HECW1: variants seen among roughly 807,000 people sequenced by gnomAD.
The protein encoded by HECW1 is E3 ubiquitin-protein ligase HECW1.
In HECW1, 61 loss-of-function variants were observed where a neutral mutation model predicts 182.3. The observed-to-expected ratio is 0.33, with a 90% CI of 0.27 to 0.41. The LOEUF (loss-of-function observed/expected upper bound fraction) is 0.41, where lower values mean the gene tolerates loss of function less well. Ranked by LOEUF, HECW1 falls within the 10% of genes least tolerant of loss-of-function variation. The pLI, the probability that HECW1 is intolerant of heterozygous loss-of-function variation, is 1.00. For synonymous variants in HECW1, 859 were observed against 832.6 expected (o/e 1.03, Z -0.55); for missense variants, 1,739 against 2,108.9 (o/e 0.82, Z 3.44).
rs186107557 is a variant in HECW1 at position 43,332,260 on chromosome 7, T to C, written c.460+11518T>C. The stretch of plus-strand genomic sequence containing the variant: ...CTTCAAAGCCACTCTACATACAAAA[T>C]GAATCTCTTTTGCTCAAAATCACAG... On this transcript the variant is annotated intron_variant, in intron 5 of 29. Coordinates refer to ENST00000395891, the MANE Select transcript of HECW1 (RefSeq NM_015052.5). Among the ~76,000 whole-genome samples, 186 of 152,252 alleles carry C rather than the reference T, an allele frequency of 1.2e-3. 2 individuals carry two copies. The highest frequency in any genetic ancestry group is 9.9e-3 in the Admixed American group (152 of 15,292).
rs147765315 is a variant in HECW1 at position 43,392,833 on chromosome 7, G to T, written c.556-3981G>T. ...CCCTGTCAACTGAGCTATAGTCTCC[G>T]GACTGCTGAAACAGAAGATCCCCTG... On this transcript the variant is annotated intron_variant, in intron 6 of 29. Coordinates refer to ENST00000395891, the MANE Select transcript of HECW1 (RefSeq NM_015052.5). 4.6e-5 allele frequency among the ~76,000 whole-genome samples: 7 copies of T among 152,258 alleles called. No homozygotes were observed. In the South Asian group the frequency reaches 1.5e-3, roughly 32 times the overall value.
At chr7:43,541,043 G>A (rs1040759018) in intron 24 of HECW1, 120 bp from the exon 25 acceptor site, 3 of 768,684 alleles carry the variant, frequency 3.9e-6, no homozygotes, top group Non-Finnish European at 6.8e-6. Flanking sequence ...TGTCATCAAT[G>A]AGAAGATTCC....
intron 2 of HECW1, chr7:43,118,348 G>C (rs1785247967): frequency 6.6e-6 from 1 of 152,572 alleles, no homozygotes; most frequent in Non-Finnish European, 1.5e-5. Context: ...TTTTGCTTTG[G>C]GGGTTCAAGT....
intron 8 of HECW1, among the ~76,000 whole-genome samples, chr7:43,429,392 G>A (rs190982344): frequency 3.2e-4 from 46 of 145,998 alleles, no homozygotes; most frequent in Admixed American, 6.4e-4. Flanking sequence ...CATGGTCTCC[G>A]GCACTTCCTC....
At chr7:43,295,887 C>T (rs17710006) in intron 3 of HECW1, among the ~76,000 whole-genome samples, 11,666 of 152,160 alleles carry the variant, frequency 0.077, 581 homozygotes, top group South Asian at 0.11. Context: ...ATGACATTGA[C>T]GTATTGTTTT....
intron 3 of HECW1, among the ~76,000 whole-genome samples, chr7:43,280,907 AG>A (rs1464092533): frequency 6.6e-6 from 1 of 152,162 alleles, no homozygotes; most frequent in African/African-American, 2.4e-5. Context: ...CTCCAGTTAG[AG>A]GAAGACTGGA....
chr7:43,510,675 G>A (rs570582040), intron 24 of HECW1, among the ~76,000 whole-genome samples: 5 of 152,266 alleles, frequency 3.3e-5, no homozygotes, highest in East Asian at 1.9e-4. Flanking sequence ...GAAAAATATC[G>A]CACTCTGTCC....
intron 5 of HECW1, among the ~76,000 whole-genome samples, chr7:43,340,008 C>T (rs1324021204): frequency 6.6e-6 from 1 of 151,828 alleles, no homozygotes; most frequent in African/African-American, 2.4e-5. Flanking sequence ...TGCTGTAACT[C>T]TCGCCCCATC....
At chr7:43,495,056 T>C (rs1041424072) in intron 19 of HECW1, among the ~76,000 whole-genome samples, 2 of 152,186 alleles carry the variant, frequency 1.3e-5, no homozygotes, top group African/African-American at 4.8e-5. Flanking sequence ...TCTTTTTCTT[T>C]GAGGGGGTGG....
chr7:43,418,304 C>G (rs2076077922), intron 8 of HECW1, among the ~76,000 whole-genome samples: 1 of 152,238 alleles, frequency 6.6e-6, no homozygotes, highest in Non-Finnish European at 1.5e-5. Flanking sequence ...TTGAGGGACA[C>G]AATTCAACTC....
chr7:43,296,935 CT>C (rs1230429740), intron 3 of HECW1, among the ~76,000 whole-genome samples: 1 of 152,182 alleles, frequency 6.6e-6, no homozygotes, highest in Non-Finnish European at 1.5e-5. Context: ...CCCTTTGCAG[CT>C]TTTTGTGACA....
rs1178111126 is a variant in HECW1 at position 43,226,938 on chromosome 7, A to G, written c.-31-16937A>G. On this transcript the variant is annotated intron_variant, in intron 2 of 29. Transcript: ENST00000395891. Reference sequence around the variant, plus strand: ...CAGCCGTCCAAAATCTACGCACTACATTTTCACGGCTGTCACAACGTCATG... The same window carrying G: ...CAGCCGTCCAAAATCTACGCACTACGTTTTCACGGCTGTCACAACGTCATG... Among the ~76,000 whole-genome samples the G allele has an allele frequency of 4.6e-5, 7 of 152,134 alleles. No homozygotes were observed. The East Asian group carries it at 1.4e-3, about 29-fold the overall frequency.
intron 2 of HECW1, among the ~76,000 whole-genome samples, chr7:43,219,817 C>G (rs998452009): frequency 9.2e-5 from 14 of 152,138 alleles, no homozygotes; most frequent in African/African-American, 3.4e-4. Flanking sequence ...TTAGTTTTTA[C>G]TTCTTCTTTC....
intron 2 of HECW1, among the ~76,000 whole-genome samples, chr7:43,147,170 A>G (rs746580109): frequency 1.3e-5 from 2 of 152,234 alleles, no homozygotes; most frequent in Non-Finnish European, 2.9e-5. Context: ...GGTAGTTCCC[A>G]GGTAAATATT....
At chr7:43,377,532 A>G (rs75719772) in intron 6 of HECW1, among the ~76,000 whole-genome samples, 4,403 of 152,208 alleles carry the variant, frequency 0.029, 231 homozygotes, top group African/African-American at 0.1. Flanking sequence ...GCTGTAGATT[A>G]AGACAGGACT....
chr7:43,300,512 C>T (rs1395951304), intron 3 of HECW1, among the ~76,000 whole-genome samples: 1 of 152,128 alleles, frequency 6.6e-6, no homozygotes, highest in African/African-American at 2.4e-5. Flanking sequence ...GCGAGAGATT[C>T]CTTTATATTG....
Position 43,243,055 on chromosome 7 carries a change from T to G in HECW1, c.-31-820T>G, listed in dbSNP as rs935928195. Among the ~76,000 whole-genome samples the G allele has an allele frequency of 2.0e-5, 3 of 152,130 alleles. No homozygotes were observed. The highest frequency in any genetic ancestry group is 4.4e-5 in the Non-Finnish European group (3 of 68,036). ...AGCAAAGCTTCAGGTTTCATCGGGG[T>G]TTGGGAATGCTGACATCATAGACTG... On this transcript the variant is annotated intron_variant, in intron 2 of 29. Coordinates refer to ENST00000395891, the MANE Select transcript of HECW1 (RefSeq NM_015052.5). The surrounding 1 kb of genome is among the most constrained non-coding windows in gnomAD (Gnocchi z 4.0).
At chr7:43,503,529 A>G (rs1186799691) in intron 21 of HECW1, among the ~76,000 whole-genome samples, 1 of 152,264 alleles carries the variant, frequency 6.6e-6, no homozygotes, top group Non-Finnish European at 1.5e-5. Context: ...TGGATATTCT[A>G]AAAGGAATAA....
chr7:43,168,498 A>AT (rs906450837), intron 2 of HECW1, among the ~76,000 whole-genome samples: 10 of 151,540 alleles, frequency 6.6e-5, no homozygotes, highest in African/African-American at 1.5e-4. Context: ...TCTTCTCAAA[A>AT]TTTTTTTTTA....
Sources: allele counts gnomAD v4.1 joint callset (sites outside exome capture counted in the v4.1 genomes callset), GRCh38; gene constraint gnomAD v4.1.1; non-coding constraint Gnocchi (gnomAD v3.1); transcripts MANE v1.5; gene names NCBI Gene and HGNC (gene_info 2026-07-23, HGNC 2026-07-21).